The following PIP4K2A variants were observed in gnomAD, a reference collection of about 807,000 sequenced individuals.
PIP4K2A encodes phosphatidylinositol-5-phosphate 4-kinase type 2 alpha, also known as phosphatidylinositol 5-phosphate 4-kinase type-2 alpha.
In PIP4K2A, 14 loss-of-function variants were observed where a neutral mutation model predicts 42.9. The observed-to-expected ratio is 0.33, with a 90% CI of 0.22 to 0.51. The LOEUF (loss-of-function observed/expected upper bound fraction) is 0.51, where lower values mean the gene tolerates loss of function less well. Among genes scored for constraint, PIP4K2A ranks in the 20% least tolerant of loss-of-function variants. The probability of loss-of-function intolerance (pLI) is 0.97; values close to 1 mark genes in which losing one functional copy is unlikely to be tolerated. For synonymous variants in PIP4K2A, 192 were observed against 192.2 expected, an observed-to-expected ratio of 1.00 and a Z score of 0.01; for missense variants, 434 against 519.8, an observed-to-expected ratio of 0.83 and a Z score of 1.61.
chr10:22,618,195 T>C (rs1838222825), intron 1 of PIP4K2A, among the ~76,000 whole-genome samples: 1 of 152,128 alleles, frequency 6.6e-6, no homozygotes, highest in Admixed American at 6.6e-5. Flanking sequence ...AAATCTCTCC[T>C]CTCTTTCCCC....
At chr10:22,703,409 A>G (rs1356776437) in intron 1 of PIP4K2A, among the ~76,000 whole-genome samples, 1 of 152,182 alleles carries the variant, frequency 6.6e-6, no homozygotes, top group African/African-American at 2.4e-5. Context: ...ACCTTGTCTC[A>G]AATAAAAAAA....
At chr10:22,687,673 C>G (rs1043881721) in intron 1 of PIP4K2A, among the ~76,000 whole-genome samples, 1 of 152,138 alleles carries the variant, frequency 6.6e-6, no homozygotes, top group African/African-American at 2.4e-5. Flanking sequence ...GATCAAGTCC[C>G]TGATACAAAA....
intron 1 of PIP4K2A, among the ~76,000 whole-genome samples, chr10:22,625,941 T>A (rs778844361): frequency 1.1e-4 from 16 of 152,086 alleles, no homozygotes. Context: ...GAAGAAAAGG[T>A]AGATTCAGAC....
At chr10:22,589,219 T>C (rs1374373096) in intron 4 of PIP4K2A, among the ~76,000 whole-genome samples, 3 of 152,178 alleles carry the variant, frequency 2.0e-5, no homozygotes, top group African/African-American at 7.2e-5. Context: ...CTGAGACAAC[T>C]GAAAGAAAGT....
In PIP4K2A at chr10:22,656,556, C is replaced by T. The variant is rs111268567; in HGVS notation, c.145-46839G>A. Among the ~76,000 whole-genome samples, 837 of 152,200 alleles carry T rather than the reference C, an allele frequency of 5.5e-3. 2 individuals carry two copies. Among genetic ancestry groups the T allele is most frequent in the African/African-American group, 0.019 (793 of 41,512 alleles). On this transcript the variant is annotated intron_variant, in intron 1 of 9. Transcript: ENST00000376573. The stretch of plus-strand genomic sequence containing the variant: ...GCACGGTGGTTCACACCTGTAATCC[C>T]GGCACTTTGGGAGGCTGAGGCGGGT...
chr10:22,604,060 ATGGTACTG>A (rs1371691097), intron 3 of PIP4K2A, among the ~76,000 whole-genome samples: 1 of 152,120 alleles, frequency 6.6e-6, no homozygotes, highest in East Asian at 1.9e-4. Context: ...TGTATGTTAC[ATGGTACTG>A]TGGTACTGTT....
At chr10:22,636,788 C>T (rs1056610217) in intron 1 of PIP4K2A, among the ~76,000 whole-genome samples, 4 of 152,222 alleles carry the variant, frequency 2.6e-5, no homozygotes, top group Admixed American at 1.3e-4. Context: ...GCAGCCCCTT[C>T]CCACAGTGAC....
rs1833977018 is a variant in PIP4K2A, at chr10:22,714,573, G to C, written c.-247C>G. 6.8e-6 allele frequency: 1 copy of C among 146,928 alleles called. No homozygotes were observed. The highest frequency in any genetic ancestry group is 2.4e-5 in the African/African-American group (1 of 40,878). The allele number at this position is 146,928 out of a possible 1,614,324, so 9.1% of individuals were successfully genotyped here. ...CCCGCCGCGGATCCGCGCTCAGCCC[G>C]CGGCTGGACCCGGCGCGCGGCGAGC... On this transcript the variant is annotated 5_prime_UTR_variant, in exon 1 of 10. Coordinates refer to ENST00000376573, the MANE Select transcript of PIP4K2A (RefSeq NM_005028.5).
chr10:22,686,155 C>T (rs1036780287), intron 1 of PIP4K2A, among the ~76,000 whole-genome samples: 4 of 152,104 alleles, frequency 2.6e-5, no homozygotes, highest in Admixed American at 6.5e-5. Context: ...CATGCTGAAC[C>T]GGCACATTTC....
intron 1 of PIP4K2A, among the ~76,000 whole-genome samples, chr10:22,611,251 G>A (rs750969659): frequency 9.9e-5 from 15 of 152,044 alleles, no homozygotes; most frequent in Non-Finnish European, 2.1e-4. Flanking sequence ...TTAGCTGGGC[G>A]TGGTGGTGTG....
At chr10:22,698,591 G>A (rs1327724635) in intron 1 of PIP4K2A, among the ~76,000 whole-genome samples, 4 of 152,164 alleles carry the variant, frequency 2.6e-5, no homozygotes, top group South Asian at 2.1e-4. Flanking sequence ...ATTTAGGTTG[G>A]TGCAAAAGGA....
In PIP4K2A at chr10:22,609,393, G is replaced by A. The variant is rs115934237; in HGVS notation, c.242+227C>T. ...TTATAATGAGAATATCACTTTCAAC[G>A]TATAAGATATTCATAGAGAACAATA... is the stretch of plus-strand genomic sequence containing the variant. On this transcript the variant is annotated intron_variant, in intron 2 of 9. Coordinates refer to ENST00000376573, the MANE Select transcript of PIP4K2A (RefSeq NM_005028.5). Among the ~76,000 whole-genome samples, 471 of 152,302 alleles carry A rather than the reference G, an allele frequency of 3.1e-3. 1 individual carries two copies. The highest frequency in any genetic ancestry group is 0.011 in the African/African-American group (448 of 41,560).
chr10:22,653,484 T>C lies in PIP4K2A; in HGVS notation c.145-43767A>G, dbSNP rs578162110. On this transcript the variant is annotated intron_variant, in intron 1 of 9. Coordinates refer to ENST00000376573, the MANE Select transcript of PIP4K2A (RefSeq NM_005028.5). ...ACAACAGGCTCACCTTCCACTCATC[T>C]TAATCTTTCTCTTAATGATTCAATT... Among the ~76,000 whole-genome samples the C allele has an allele frequency of 3.3e-5, 5 of 152,338 alleles. No homozygotes were observed. The South Asian group carries it at 1.0e-3, about 32-fold the overall frequency.
intron 4 of PIP4K2A, among the ~76,000 whole-genome samples, chr10:22,588,350 T>C (rs974393904): frequency 2.6e-5 from 4 of 152,194 alleles, no homozygotes; most frequent in African/African-American, 2.4e-5. Context: ...TGTTGTTTTA[T>C]CAGGTCAGAT....
intron 3 of PIP4K2A, among the ~76,000 whole-genome samples, chr10:22,600,884 T>C (rs1203195414): frequency 6.6e-6 from 1 of 152,022 alleles, no homozygotes; most frequent in African/African-American, 2.4e-5. Context: ...TAAGCTGTGA[T>C]CTCAAGTGAA....
chr10:22,537,737 A>G (rs897401797), intron 9 of PIP4K2A, among the ~76,000 whole-genome samples: 3 of 152,242 alleles, frequency 2.0e-5, no homozygotes, highest in Non-Finnish European at 2.9e-5. Context: ...TGATTTCTTC[A>G]GGACCCCTTC....
chr10:22,603,294 A>C (rs913429092), intron 3 of PIP4K2A, among the ~76,000 whole-genome samples: 2 of 152,120 alleles, frequency 1.3e-5, no homozygotes, highest in African/African-American at 4.8e-5. Context: ...TGTGTGGTCT[A>C]TTTAGGTTTA....
intron 6 of PIP4K2A, 55 bp from the exon 7 acceptor site, chr10:22,550,827 C>T: frequency 9.6e-7 from 1 of 1,046,798 alleles, no homozygotes; most frequent in Non-Finnish European, 1.5e-6. Flanking sequence ...CCTAAAAAAA[C>T]CACATACACC....
At chr10:22,654,024 G>A (rs1839044235) in intron 1 of PIP4K2A, among the ~76,000 whole-genome samples, 1 of 152,114 alleles carries the variant, frequency 6.6e-6, no homozygotes, top group Non-Finnish European at 1.5e-5. Context: ...TGGTTTTTTG[G>A]TGAGTGCAGC....
Sources: allele counts gnomAD v4.1 joint callset (sites outside exome capture counted in the v4.1 genomes callset), GRCh38; gene constraint gnomAD v4.1.1; transcripts MANE v1.5; gene names NCBI Gene and HGNC (gene_info 2026-07-23, HGNC 2026-07-21).